Variants in CNTLN observed in about 807,000 individuals in gnomAD.
CNTLN encodes centlein.
In CNTLN, 212 loss-of-function variants were observed where a neutral mutation model predicts 180.0. The observed-to-expected ratio is 1.18, with a 90% confidence interval of 1.05 to 1.32. The LOEUF (loss-of-function observed/expected upper bound fraction) is 1.32. CNTLN is among the 40% of genes most tolerant of loss of function. The pLI is 0.00. For synonymous variants in CNTLN, 722 were observed against 563.1 expected, an observed-to-expected ratio of 1.28 and a Z score of -3.99; for missense variants, 2,095 against 1,610.9, an observed-to-expected ratio of 1.30 and a Z score of -5.14.
chr9:17,396,920 G>A (rs1826571604), intron 15 of CNTLN, among the ~76,000 whole-genome samples: 3 of 152,102 alleles, frequency 2.0e-5, no homozygotes, highest in African/African-American at 7.2e-5. Context: ...CGGTGTTACC[G>A]AGGTTCTTCT....
chr9:17,442,391 A>C (rs1830161913), intron 18 of CNTLN, among the ~76,000 whole-genome samples: 1 of 152,116 alleles, frequency 6.6e-6, no homozygotes, highest in Admixed American at 6.5e-5. Context: ...AATGTGTAGA[A>C]ATTAAACAAA....
rs866954796 is a variant in CNTLN, at chr9:17,450,684, T to C, written c.3115-6840T>C. Among the ~76,000 whole-genome samples, 24 of 152,288 alleles carry C rather than the reference T, an allele frequency of 1.6e-4. 1 individual carries two copies. The highest frequency in any genetic ancestry group is 6.2e-4 in the South Asian group (3 of 4,828). ...TGAAAAGTCCTCTATATTACCTTCA[T>C]TTGCTTGACATTTTGTGAAACATAG... is the stretch of plus-strand genomic sequence containing the variant. On this transcript the variant is annotated intron_variant, in intron 18 of 25. Coordinates refer to ENST00000380647, the MANE Select transcript of CNTLN (RefSeq NM_017738.4).
chr9:17,241,649 A>G (rs528845016), intron 5 of CNTLN, among the ~76,000 whole-genome samples: 2 of 152,092 alleles, frequency 1.3e-5, no homozygotes, highest in African/African-American at 4.8e-5. Context: ...GGCAGTATGG[A>G]CATCTTAACA....
chr9:17,147,868 G>A (rs1818564461), intron 2 of CNTLN, among the ~76,000 whole-genome samples: 1 of 152,116 alleles, frequency 6.6e-6, no homozygotes, highest in South Asian at 2.1e-4. Flanking sequence ...AGTTTGCCCT[G>A]TATTATTGGT....
intron 5 of CNTLN, among the ~76,000 whole-genome samples, chr9:17,269,738 G>T (rs1827797202): frequency 6.6e-6 from 1 of 152,070 alleles, no homozygotes; most frequent in Non-Finnish European, 1.5e-5. Flanking sequence ...TGTTGTTGTT[G>T]AGTGGAATAT....
At chr9:17,524,525 A>T in the CNTLN span, among the ~76,000 whole-genome samples, 2 of 152,346 alleles carry the variant, frequency 1.3e-5, no homozygotes, top group South Asian at 4.1e-4. Flanking sequence ...TCATCCAGAA[A>T]CATTCTCATA....
chr9:17,469,669 C>T (rs950376347), intron 23 of CNTLN, among the ~76,000 whole-genome samples: 1 of 151,864 alleles, frequency 6.6e-6, no homozygotes, highest in African/African-American at 2.4e-5. Context: ...TCTTCTTTCC[C>T]ACTACTCTTT....
At chr9:17,513,253 C>A in the CNTLN span, among the ~76,000 whole-genome samples, 2 of 151,120 alleles carry the variant, frequency 1.3e-5, no homozygotes, top group African/African-American at 4.9e-5. Context: ...GGCAAACTAT[C>A]TAGAAAATAA....
chr9:17,301,554 G>A, intron 7 of CNTLN: 1 of 984,852 alleles, frequency 1.0e-6, no homozygotes. Flanking sequence ...CTTGGGGAGT[G>A]TGGGAGTAGG....
At chr9:17,247,099 G>T (rs557783916) in intron 5 of CNTLN, among the ~76,000 whole-genome samples, 1 of 152,140 alleles carries the variant, frequency 6.6e-6, no homozygotes, top group Non-Finnish European at 1.5e-5. Context: ...TTGCTTAGAT[G>T]ATGGGTGATA....
chr9:17,269,720 G>A (rs544581471), intron 5 of CNTLN, among the ~76,000 whole-genome samples: 4 of 152,188 alleles, frequency 2.6e-5, no homozygotes, highest in Non-Finnish European at 1.5e-5. Context: ...TAAGATGAAT[G>A]TATATTCTGT....
chr9:17,382,005 G>C (rs1825289241), intron 13 of CNTLN, among the ~76,000 whole-genome samples: 1 of 152,156 alleles, frequency 6.6e-6, no homozygotes, highest in South Asian at 2.1e-4. Context: ...TAATGGAGCA[G>C]GGATCTGTAC....
intron 15 of CNTLN, among the ~76,000 whole-genome samples, chr9:17,404,203 G>A (rs967521212): frequency 1.9e-4 from 29 of 151,890 alleles, no homozygotes; most frequent in African/African-American, 6.8e-4. Context: ...AATAGGCTCC[G>A]TTATGGCACC....
At chr9:17,249,607 C>G (rs1050842715) in intron 5 of CNTLN, among the ~76,000 whole-genome samples, 2 of 152,004 alleles carry the variant, frequency 1.3e-5, no homozygotes, top group Non-Finnish European at 2.9e-5. Flanking sequence ...CCTCGGCCCC[C>G]CAAAGTGCTG....
intron 13 of CNTLN, among the ~76,000 whole-genome samples, chr9:17,383,159 A>T (rs1422198335): frequency 6.6e-6 from 1 of 152,152 alleles, no homozygotes. Flanking sequence ...ATGTATATAC[A>T]CACACAAATA....
At chr9:17,188,636 G>A (rs1228921518) in intron 2 of CNTLN, among the ~76,000 whole-genome samples, 1 of 152,138 alleles carries the variant, frequency 6.6e-6, no homozygotes, top group Admixed American at 6.5e-5. Flanking sequence ...TTTTTATTCA[G>A]TGGTTTCAAG....
At chr9:17,513,008 T>C in the CNTLN span, among the ~76,000 whole-genome samples, 410 of 151,762 alleles carry the variant, frequency 2.7e-3, 1 homozygote, top group African/African-American at 6.6e-3. Context: ...TTAGTAGAGA[T>C]GGGGGTTTCA....
At chr9:17,136,475 G>A (rs1210612729) in intron 1 of CNTLN, among the ~76,000 whole-genome samples, 1 of 152,164 alleles carries the variant, frequency 6.6e-6, no homozygotes, top group Admixed American at 6.5e-5. Flanking sequence ...GACTACAGGT[G>A]TCCGCCACCA....
chr9:17,257,011 A>G (rs1461249266), intron 5 of CNTLN, among the ~76,000 whole-genome samples: 5 of 151,888 alleles, frequency 3.3e-5, no homozygotes, highest in Admixed American at 6.6e-5. Flanking sequence ...GTTTTAGGGT[A>G]CATGTGCACA....
Sources: gnomAD v4.1 joint callset for allele counts (sites outside exome capture counted in the v4.1 genomes callset) on GRCh38, gnomAD v4.1.1 for gene constraint, MANE v1.5 for transcripts, NCBI Gene and HGNC (gene_info 2026-07-23, HGNC 2026-07-21) for gene names.